The following RPL18A variants were observed in gnomAD, a reference collection of about 807,000 sequenced individuals.
RPL18A encodes the protein ribosomal protein L18a.
For synonymous variants in RPL18A, 122 were observed against 96.9 expected (o/e 1.26, Z -1.52); for missense variants, 163 against 254.1 (o/e 0.64, Z 2.44).
In RPL18A at chr19:17,861,388, C is replaced by G. The variant is rs201101506; in HGVS notation, c.114C>G (p.Val38=). The G allele has an allele frequency of 3.4e-5, 55 of 1,611,800 alleles. No homozygotes were observed. In the East Asian group the frequency reaches 1.2e-3, roughly 35 times the overall value. ...YRMRIFAPNH[V]VAKSRFWYFV... ...TGCGAATCTTTGCGCCTAATCATGT[C>G]GTCGCCAAGTCCCGCTTCTGGTACT... The change falls in exon 2 of 5, where the codon GTC becomes GTG. Residue 38 remains valine (V), a synonymous_variant. Transcript: ENST00000222247.
intron 3 of RPL18A, chr19:17,862,538 CT>C: frequency 1.6e-5 from 11 of 703,542 alleles, no homozygotes; most frequent in Admixed American, 3.5e-5. Flanking sequence ...GAGCTGGCAC[CT>C]TTTCCCTGGC....
At chr19:17,862,026 C>T (rs2094278346) in intron 2 of RPL18A, 68 bp from the exon 3 acceptor site, 1 of 1,567,262 alleles carries the variant, frequency 6.4e-7, no homozygotes, top group Non-Finnish European at 8.7e-7. Context: ...GCAGAGGGTT[C>T]AGTGAGGATG....
chr19:17,862,666 G>A (rs761209601), intron 3 of RPL18A: 2 of 748,406 alleles, frequency 2.7e-6, no homozygotes, highest in Admixed American at 1.7e-5. Flanking sequence ...GGATCTTGTC[G>A]CCTTTGGGGG....
intron 1 of RPL18A, 187 bp downstream of exon 1, chr19:17,860,161 C>T (rs1047547132): frequency 2.3e-4 from 125 of 549,950 alleles, no homozygotes; most frequent in Non-Finnish European, 3.7e-4. Context: ...GAGAGCGATG[C>T]GTGACCTGGG....
chr19:17,862,841 GGGCA>G, intron 3 of RPL18A, 73 bp from the exon 4 acceptor site: 1 of 951,458 alleles, frequency 1.1e-6, no homozygotes, highest in Non-Finnish European at 1.7e-6. Flanking sequence ...TCAGGTCATT[GGGCA>G]GGCACTCAGG....
At chr19:17,862,352 A>G in intron 3 of RPL18A, 129 bp downstream of exon 3, 4 of 1,137,124 alleles carry the variant, frequency 3.5e-6, no homozygotes, top group Non-Finnish European at 5.0e-6. Context: ...GGAAGACAAA[A>G]GGATGCCCCA....
chr19:17,860,193 C>T, intron 1 of RPL18A: 1 of 516,806 alleles, frequency 1.9e-6, no homozygotes, highest in Admixed American at 4.3e-5. Context: ...ATCGCGGGGG[C>T]CCAAGGACTC....
Position 17,859,972 on chromosome 19 carries a change from A to C in RPL18A, c.16A>C (p.Thr6Pro), listed in dbSNP as rs1383035964. The C allele has an allele frequency of 2.0e-6, 3 of 1,530,306 alleles. No individual in the cohort carries two copies. The highest frequency in any genetic ancestry group is 4.2e-5 in the Admixed American group (2 of 47,660). The allele number at this position is 1,530,306 out of a possible 1,614,324, so 94.8% of individuals were successfully genotyped here. A position where few individuals can be genotyped will look rare whatever the true frequency, so the allele number is the denominator to read the frequency against. Residue 6 changes from threonine (T) to proline (P), a missense_variant and splice_region_variant, in exon 1 of 5, where the codon ACG becomes CCG. Physicochemically the swap from Thr to Pro is conservative, Grantham distance 38 (BLOSUM62 -1). Coordinates refer to ENST00000222247, the MANE Select transcript of RPL18A (RefSeq NM_000980.4). ...AGAGCACGCCATGAAGGCCTCGGGCACGGTAAGGCGGGCGCGGCGCGGCAG... is the reference window on the plus strand; with the variant it reads ...AGAGCACGCCATGAAGGCCTCGGGCCCGGTAAGGCGGGCGCGGCGCGGCAG... Reference protein sequence around the residue: MKASGTLREYKVVGRC... With the variant: MKASGPLREYKVVGRC...
At chr19:17,861,962 A>C in intron 2 of RPL18A, 132 bp from the exon 3 acceptor site, 1 of 1,064,992 alleles carries the variant, frequency 9.4e-7, no homozygotes, top group Non-Finnish European at 1.3e-6. Context: ...TGGGAAACTG[A>C]GGCACAAGAG....
intron 3 of RPL18A, chr19:17,862,686 G>A (rs767462281): frequency 1.5e-5 from 11 of 755,110 alleles, no homozygotes; most frequent in South Asian, 2.7e-5. Flanking sequence ...GGCTGTGGCC[G>A]TGCCCCTCAA....
At chr19:17,859,998 G>A in intron 1 of RPL18A, 24 bp downstream of exon 1, 3 of 1,511,276 alleles carry the variant, frequency 2.0e-6, no homozygotes, top group Non-Finnish European at 2.6e-6. Flanking sequence ...GGCGCGGCAG[G>A]GGGCCAAGGG....
At chr19:17,861,047 G>C in intron 1 of RPL18A, 2 of 540,216 alleles carry the variant, frequency 3.7e-6, no homozygotes, top group Non-Finnish European at 6.6e-6. Flanking sequence ...CCTTAGCCCA[G>C]GCAAAGGAGA....
chr19:17,861,358 C>T lies in RPL18A; in HGVS notation c.84C>T (p.Tyr28=). 1.2e-6 allele frequency: 2 copies of T among 1,613,186 alleles called. No individual in the cohort carries two copies. The highest frequency in any genetic ancestry group is 1.7e-4 in the Middle Eastern group (1 of 6,052). ...CCAAATGCCACACGCCGCCCCTCTA[C>T]CGCATGCGAATCTTTGCGCCTAATC... ...PTPKCHTPPL[Y]RMRIFAPNHV... Residue 28 remains tyrosine (Y), a synonymous_variant, in exon 2 of 5, where the codon TAC becomes TAT. Coordinates refer to ENST00000222247, the MANE Select transcript of RPL18A (RefSeq NM_000980.4).
intron 1 of RPL18A, 76 bp from the exon 2 acceptor site, chr19:17,861,217 G>A (rs932593492): frequency 5.1e-6 from 7 of 1,377,348 alleles, no homozygotes; most frequent in East Asian, 4.8e-5. Flanking sequence ...GTCACTAGAT[G>A]TAGGAAAGGG....
At chr19:17,862,643 G>A (rs1039544297) in intron 3 of RPL18A, 2 of 735,490 alleles carry the variant, frequency 2.7e-6, no homozygotes, top group South Asian at 2.7e-5. Context: ...AAACAGAGGT[G>A]CAAACAGCAA....
intron 1 of RPL18A, among the ~76,000 whole-genome samples, chr19:17,860,472 C>T (rs777478862): frequency 1.3e-5 from 2 of 152,186 alleles, no homozygotes; most frequent in African/African-American, 2.4e-5. Context: ...AGAACCTGGA[C>T]TCCCATGGAG....
At chr19:17,863,082 CCAG>C in intron 4 of RPL18A, 55 bp downstream of exon 4, 3 of 1,554,982 alleles carry the variant, frequency 1.9e-6, no homozygotes, top group Admixed American at 1.7e-5. Context: ...ACGCAGGAGC[CCAG>C]TGGGGGGCGG....
At chr19:17,861,557 C>A in intron 2 of RPL18A, 85 bp downstream of exon 2, 1 of 1,085,614 alleles carries the variant, frequency 9.2e-7, no homozygotes, top group Non-Finnish European at 1.3e-6. Context: ...AATCAGACAT[C>A]GAACGGGTGC....
chr19:17,862,764 G>A (rs28552850), intron 3 of RPL18A, 154 bp from the exon 4 acceptor site: 35,959 of 758,888 alleles, frequency 0.047, 2,114 homozygotes, highest in East Asian at 0.2. Context: ...GGGCTATCTC[G>A]CTTCCCCACC....
Sources: gnomAD v4.1 joint callset for allele counts (sites outside exome capture counted in the v4.1 genomes callset) on GRCh38, gnomAD v4.1.1 for gene constraint, MANE v1.5 for transcripts, NCBI Gene and HGNC (gene_info 2026-07-23, HGNC 2026-07-21) for gene names.